Variants in RABEP1 observed in about 807,000 individuals in gnomAD.
RABEP1 encodes the protein rab GTPase-binding effector protein 1.
Under a neutral mutation model 123.4 loss-of-function variants are expected in RABEP1, and 51 were observed. The ratio of observed to expected loss-of-function variants is 0.41; its 90% CI spans 0.33 to 0.52. The LOEUF (loss-of-function observed/expected upper bound fraction) is 0.52. Among genes scored for constraint, RABEP1 ranks in the 20% least tolerant of loss-of-function variants. The pLI is 0.16. For missense variants in RABEP1, 888 were observed against 996.3 expected, an observed-to-expected ratio of 0.89 and a Z score of 1.46; for synonymous variants, 347 against 355.2, an observed-to-expected ratio of 0.98 and a Z score of 0.26.
intron 1 of RABEP1, among the ~76,000 whole-genome samples, chr17:5,300,959 G>A (rs2075130738): frequency 6.6e-6 from 1 of 152,130 alleles, no homozygotes; most frequent in South Asian, 2.1e-4. Flanking sequence ...TCTGATTCCG[G>A]GAAGCCTGGG....
chr17:5,355,818 T>C lies in RABEP1; in HGVS notation c.1095+1328T>C, dbSNP rs543998540. Among the ~76,000 whole-genome samples, 4 of 152,330 alleles carry C rather than the reference T, an allele frequency of 2.6e-5. No homozygotes were observed. In the East Asian group the frequency reaches 5.8e-4, roughly 22 times the overall value. ...AAAAGTGCTGTATATTGAAGTTGTT[T>C]TGTTCATTCTTTGTTCTGGGACATA... On this transcript the variant is annotated intron_variant, in intron 8 of 17. Coordinates refer to ENST00000537505, the MANE Select transcript of RABEP1 (RefSeq NM_004703.6).
chr17:5,329,983 A>G lies in RABEP1; in HGVS notation c.164-1966A>G, dbSNP rs74951488. On this transcript the variant is annotated intron_variant, in intron 2 of 17. Coordinates refer to ENST00000537505, the MANE Select transcript of RABEP1 (RefSeq NM_004703.6). ...AACATGGTAGTGAATAGCTCTGGGTAATCTCCAGCAAATCAAAAGTACCAG... is the reference window on the plus strand; with the variant it reads ...AACATGGTAGTGAATAGCTCTGGGTGATCTCCAGCAAATCAAAAGTACCAG... Among the ~76,000 whole-genome samples, 1,132 of 152,220 alleles carry G rather than the reference A, an allele frequency of 7.4e-3. 68 individuals carry two copies. The East Asian group carries it at 0.14, about 19-fold the overall frequency.
intron 1 of RABEP1, among the ~76,000 whole-genome samples, chr17:5,298,687 G>T (rs528130092): frequency 7.0e-6 from 1 of 143,784 alleles, no homozygotes; most frequent in Admixed American, 7.1e-5. Flanking sequence ...ACGGAGTCTC[G>T]CTCTGTCGCC....
At chr17:5,377,520 A>ATTTTTTTT (rs960634048) in intron 14 of RABEP1, among the ~76,000 whole-genome samples, 17 of 99,820 alleles carry the variant, frequency 1.7e-4, no homozygotes, top group South Asian at 7.1e-4. Context: ...TATTTAAAAA[A>ATTTTTTTT]TTTTTTTTTT....
At position 5,282,413 on chromosome 17, in the gene RABEP1, G is replaced by A. The variant is rs2074933266; in HGVS notation, c.-74G>A. The A allele has an allele frequency of 4.2e-6, 5 of 1,204,540 alleles. No homozygotes were observed. Among genetic ancestry groups the A allele is most frequent in the Middle Eastern group, 2.7e-4 (1 of 3,678 alleles). The allele number at this position is 1,204,540 out of a possible 1,614,324, so 74.6% of individuals were successfully genotyped here. Reference sequence around the variant, plus strand: ...CGGCGGCTCGGTTGACGCCTCCTCCGCCAGCTGAGCCCGCGGGAGCCCAGG... The same window carrying A: ...CGGCGGCTCGGTTGACGCCTCCTCCACCAGCTGAGCCCGCGGGAGCCCAGG... On this transcript the variant is annotated 5_prime_UTR_variant, in exon 1 of 18. Transcript: ENST00000537505.
chr17:5,375,282 A>G (rs1225873288), intron 13 of RABEP1, among the ~76,000 whole-genome samples: 2 of 152,046 alleles, frequency 1.3e-5, no homozygotes, highest in South Asian at 2.1e-4. Context: ...CTATCTTGCC[A>G]TTAGCTCTTT....
At chr17:5,314,520 G>GT (rs369819159) in intron 2 of RABEP1, among the ~76,000 whole-genome samples, 17,962 of 114,260 alleles carry the variant, frequency 0.16, 1,372 homozygotes, top group East Asian at 0.19. Context: ...ATTTCTGAAA[G>GT]TTTTTTTTTT....
chr17:5,354,422 G>C lies in RABEP1; in HGVS notation c.1027G>C (p.Glu343Gln), dbSNP rs756315269. ...KDHKKADVEEEIKIPVVCALT... is the reference protein window; with the variant it reads ...KDHKKADVEEQIKIPVVCALT... ...TCACAAAAAAGCAGATGTTGAGGAAGAAATAAAAATACCAGTAGTGTGTGC... is the reference window on the plus strand; with the variant it reads ...TCACAAAAAAGCAGATGTTGAGGAACAAATAAAAATACCAGTAGTGTGTGC... The change falls in exon 8 of 18, where the codon GAA (glutamate) becomes CAA (glutamine). Residue 343 changes from glutamate to glutamine, a missense_variant. Transcript: ENST00000537505. 2.0e-5 allele frequency: 32 copies of C among 1,612,896 alleles called. No homozygotes were observed. The East Asian group carries it at 6.5e-4, about 33-fold the overall frequency.
chr17:5,328,899 C>T (rs1307901819), intron 2 of RABEP1, among the ~76,000 whole-genome samples: 1 of 150,392 alleles, frequency 6.6e-6, no homozygotes, highest in Non-Finnish European at 1.5e-5. Context: ...TGCGCCACTG[C>T]ACTCCAGCCT....
chr17:5,357,035 G>A (rs1339990249), intron 8 of RABEP1, among the ~76,000 whole-genome samples: 2 of 151,858 alleles, frequency 1.3e-5, no homozygotes, highest in East Asian at 1.9e-4. Flanking sequence ...GAGCCACCAC[G>A]CCAGGCTAAT....
chr17:5,347,019 T>C (rs1908121118), intron 6 of RABEP1, 94 bp downstream of exon 6: 11 of 1,039,968 alleles, frequency 1.1e-5, no homozygotes, highest in Non-Finnish European at 1.3e-5. Context: ...AAAATAACAA[T>C]GCAACATGTT....
intron 1 of RABEP1, among the ~76,000 whole-genome samples, chr17:5,283,350 TGGAA>T (rs1215833073): frequency 1.3e-5 from 2 of 152,130 alleles, no homozygotes; most frequent in African/African-American, 2.4e-5. Flanking sequence ...TTTATATTCT[TGGAA>T]GGAAAAAAGG....
intron 11 of RABEP1, among the ~76,000 whole-genome samples, chr17:5,366,903 A>G (rs558985527): frequency 4.6e-4 from 69 of 151,570 alleles, no homozygotes; most frequent in Non-Finnish European, 8.2e-4. Flanking sequence ...CAGCCTGACC[A>G]ACATGGAGAA....
At chr17:5,299,545 T>G (rs2075113521) in intron 1 of RABEP1, among the ~76,000 whole-genome samples, 1 of 151,086 alleles carries the variant, frequency 6.6e-6, no homozygotes, top group Admixed American at 6.6e-5. Context: ...CACTGAAGTG[T>G]GTTTTCAGTT....
chr17:5,364,989 G>C, intron 10 of RABEP1, 133 bp from the exon 11 acceptor site: 1 of 608,894 alleles, frequency 1.6e-6, no homozygotes, highest in Non-Finnish European at 2.9e-6. Context: ...ATTTCTGTCT[G>C]AATTAGAAAA....
chr17:5,362,643 G>A (rs187719520), intron 9 of RABEP1, among the ~76,000 whole-genome samples: 34 of 152,288 alleles, frequency 2.2e-4, no homozygotes, highest in Non-Finnish European at 4.3e-4. Context: ...CCATGGGATA[G>A]TACCTTTTGC....
Position 5,325,500 on chromosome 17 carries a change from T to C in RABEP1, c.164-6449T>C, listed in dbSNP as rs575916946. Reference sequence around the variant, plus strand: ...GGATCTCATGAGAAGATAGACTAGATTGGTGGTACGAAGGTCAGGGAAAGC... The same window carrying C: ...GGATCTCATGAGAAGATAGACTAGACTGGTGGTACGAAGGTCAGGGAAAGC... On this transcript the variant is annotated intron_variant, in intron 2 of 17. Coordinates refer to ENST00000537505, the MANE Select transcript of RABEP1 (RefSeq NM_004703.6). 1.6e-4 allele frequency among the ~76,000 whole-genome samples: 24 copies of C among 152,144 alleles called. No homozygotes were observed. The South Asian group carries it at 4.8e-3, about 30-fold the overall frequency.
chr17:5,378,835 C>G (rs1911210996), intron 15 of RABEP1: 1 of 160,432 alleles, frequency 6.2e-6, no homozygotes, highest in Non-Finnish European at 1.3e-5. Flanking sequence ...CCCTTTCATT[C>G]TGGTTTCAGC....
chr17:5,374,166 A>C (rs1473211152), intron 13 of RABEP1, among the ~76,000 whole-genome samples: 2 of 151,982 alleles, frequency 1.3e-5, no homozygotes, highest in African/African-American at 4.8e-5. Context: ...TCACAGGTTT[A>C]AACGATTCTC....
Sources: allele counts gnomAD v4.1 joint callset (sites outside exome capture counted in the v4.1 genomes callset), GRCh38; gene constraint gnomAD v4.1.1; transcripts MANE v1.5; gene names NCBI Gene and HGNC (gene_info 2026-07-23, HGNC 2026-07-21).